The following NCALD variants were observed in gnomAD, a reference collection of about 807,000 sequenced individuals.
NCALD encodes the protein neurocalcin delta, also known as neurocalcin-delta.
A neutral mutation model predicts 18.6 loss-of-function variants in NCALD; 10 were observed. The ratio of observed to expected loss-of-function variants is 0.54; its 90% CI spans 0.33 to 0.91. The LOEUF (loss-of-function observed/expected upper bound fraction) is 0.91. Among genes scored for constraint, NCALD ranks in the 40% least tolerant of loss-of-function variants. NCALD has a pLI of 0.03. For synonymous variants in NCALD, 88 were observed against 87.4 expected (o/e 1.01, Z -0.04); for missense variants, 184 against 247.6 (o/e 0.74, Z 1.72).
intron 2 of NCALD, among the ~76,000 whole-genome samples, chr8:101,961,478 T>A (rs986695275): frequency 1.2e-4 from 18 of 152,322 alleles, no homozygotes; most frequent in African/African-American, 4.3e-4. Flanking sequence ...TCCAGTCCTG[T>A]CCAACGATAA....
At chr8:102,018,094 G>A (rs1822150783) in intron 2 of NCALD, among the ~76,000 whole-genome samples, 1 of 152,212 alleles carries the variant, frequency 6.6e-6, no homozygotes, top group Non-Finnish European at 1.5e-5. Flanking sequence ...AGTGCTAGAG[G>A]AGCTGTGGAA....
At chr8:101,736,934 A>G (rs1809947179) in intron 1 of NCALD, among the ~76,000 whole-genome samples, 1 of 152,246 alleles carries the variant, frequency 6.6e-6, no homozygotes, top group Admixed American at 6.5e-5. Context: ...GATTGAGTGC[A>G]TTAATTCTTT....
chr8:101,693,454 C>G (rs1183103901), intron 2 of NCALD: 1 of 151,166 alleles, frequency 6.6e-6, no homozygotes, highest in Non-Finnish European at 1.5e-5. Flanking sequence ...TACAGACATG[C>G]GCCACCTCTC....
intron 1 of NCALD, among the ~76,000 whole-genome samples, chr8:102,108,395 C>T (rs1459314727): frequency 1.3e-5 from 2 of 152,172 alleles, no homozygotes; most frequent in Non-Finnish European, 2.9e-5. Context: ...AGGACACTGA[C>T]ACTGAAGATC....
chr8:102,076,518 C>T (rs999201948), intron 1 of NCALD, among the ~76,000 whole-genome samples: 1 of 152,222 alleles, frequency 6.6e-6, no homozygotes, highest in African/African-American at 2.4e-5. Flanking sequence ...TAAACTCAAT[C>T]ATGGGAGTGA....
chr8:101,736,487 T>G (rs1310924174), intron 1 of NCALD, among the ~76,000 whole-genome samples: 1 of 152,198 alleles, frequency 6.6e-6, no homozygotes, highest in Non-Finnish European at 1.5e-5. Flanking sequence ...ACAGCAGGTG[T>G]GGAGATGCCC....
intron 2 of NCALD, among the ~76,000 whole-genome samples, chr8:101,980,264 A>G (rs1039031799): frequency 6.6e-6 from 1 of 152,166 alleles, no homozygotes; most frequent in Non-Finnish European, 1.5e-5. Context: ...TGGGGCGCAC[A>G]TTAGATGCTG....
chr8:102,109,479 C>T (rs1563625290), intron 1 of NCALD, among the ~76,000 whole-genome samples: 2 of 152,058 alleles, frequency 1.3e-5, no homozygotes, highest in Non-Finnish European at 2.9e-5. Context: ...CAGCAGACAG[C>T]AAAGCTGAGT....
chr8:102,043,905 A>G (rs1294169183), intron 1 of NCALD, among the ~76,000 whole-genome samples: 2 of 151,906 alleles, frequency 1.3e-5, no homozygotes, highest in African/African-American at 2.4e-5. Context: ...AGGCCAAGCC[A>G]GAAAGAAGAT....
intron 1 of NCALD, among the ~76,000 whole-genome samples, chr8:102,117,776 GGGGGATCTGAGCA>G (rs1825834610): frequency 1.3e-5 from 2 of 152,158 alleles, no homozygotes; most frequent in Admixed American, 1.3e-4. Flanking sequence ...TGTAAAAAGT[GGGGGATCTGAGCA>G]GGCACCCACA....
At chr8:101,879,380 C>T (rs1038238910) in intron 4 of NCALD, among the ~76,000 whole-genome samples, 1 of 152,186 alleles carries the variant, frequency 6.6e-6, no homozygotes, top group Admixed American at 6.5e-5. Flanking sequence ...GGGAGTATTA[C>T]AGCTCTTAAG....
chr8:101,811,998 A>G lies in NCALD; in HGVS notation c.-20+75143T>C, dbSNP rs10505014. Among the ~76,000 whole-genome samples, 872 of 152,344 alleles carry G rather than the reference A, an allele frequency of 5.7e-3. 11 individuals carry two copies. Among genetic ancestry groups the G allele is most frequent in the African/African-American group, 0.018 (766 of 41,584 alleles). On this transcript the variant is annotated intron_variant, in intron 4 of 6. Transcript: ENST00000311028. ...ATCTACAATTCAAATCTAGCATTGC[A>G]GAAAAGATTTGTTCTCAGAATGGAG...
At chr8:102,002,968 C>T (rs56119353) in intron 2 of NCALD, among the ~76,000 whole-genome samples, 6,932 of 152,118 alleles carry the variant, frequency 0.046, 259 homozygotes, top group Admixed American at 0.089. Context: ...ATTAAAAGAA[C>T]TAGAGAAGCA....
intron 2 of NCALD, among the ~76,000 whole-genome samples, chr8:101,969,750 C>T (rs1256144804): frequency 2.0e-5 from 3 of 152,168 alleles, no homozygotes; most frequent in Non-Finnish European, 4.4e-5. Flanking sequence ...TCTAGAATTT[C>T]CCATATTGAA....
intron 1 of NCALD, among the ~76,000 whole-genome samples, chr8:101,782,248 T>G (rs1200851817): frequency 6.6e-6 from 1 of 152,074 alleles, no homozygotes; most frequent in Non-Finnish European, 1.5e-5. Context: ...TGTTTAAAAC[T>G]ATGAAGTTAC....
At chr8:102,029,612 C>T (rs1326215305) in intron 1 of NCALD, among the ~76,000 whole-genome samples, 1 of 152,148 alleles carries the variant, frequency 6.6e-6, no homozygotes, top group African/African-American at 2.4e-5. Context: ...TCATAAAAAC[C>T]TTCACAGCCC....
chr8:101,753,192 T>C (rs972623520), intron 1 of NCALD, among the ~76,000 whole-genome samples: 1 of 152,154 alleles, frequency 6.6e-6, no homozygotes, highest in African/African-American at 2.4e-5. Context: ...GTCTTGAGAA[T>C]CTTAAAGTTA....
chr8:101,757,532 G>A (rs182625750), intron 1 of NCALD, among the ~76,000 whole-genome samples: 22 of 152,222 alleles, frequency 1.4e-4, no homozygotes, highest in African/African-American at 3.4e-4. Flanking sequence ...AAAAATGGCT[G>A]TCATTCTTTT....
intron 1 of NCALD, among the ~76,000 whole-genome samples, chr8:102,069,058 A>T (rs1824098711): frequency 6.6e-6 from 1 of 152,140 alleles, no homozygotes; most frequent in African/African-American, 2.4e-5. Flanking sequence ...GAATGGGGAG[A>T]TGTTGTCCAA....
Sources: allele counts gnomAD v4.1 joint callset (sites outside exome capture counted in the v4.1 genomes callset), GRCh38; gene constraint gnomAD v4.1.1; transcripts MANE v1.5; gene names NCBI Gene and HGNC (gene_info 2026-07-23, HGNC 2026-07-21).